Variants in SPSB4 observed in about 807,000 individuals in gnomAD.
SPSB4 encodes splA/ryanodine receptor domain and SOCS box containing 4, also known as SPRY domain-containing SOCS box protein 4.
Under a neutral mutation model 20.9 loss-of-function variants are expected in SPSB4, and 21 were observed. The ratio of observed to expected loss-of-function variants is 1.01; its 90% confidence interval spans 0.71 to 1.45. SPSB4 has a LOEUF of 1.45. Ranked by LOEUF, SPSB4 falls within the 40% of genes most tolerant of loss-of-function variation. The pLI is 0.00. For synonymous variants in SPSB4, 207 were observed against 183.8 expected (o/e 1.13, Z -1.02); for missense variants, 399 against 399.2 (o/e 1.00, Z 0.00).
intron 2 of SPSB4, among the ~76,000 whole-genome samples, chr3:141,109,134 CCT>C (rs1338896570): frequency 1.3e-5 from 2 of 152,114 alleles, no homozygotes; most frequent in Non-Finnish European, 2.9e-5. Context: ...TCTTCCCACC[CCT>C]GTTTTCAGCC....
At chr3:141,073,639 C>G (rs983584850) in intron 2 of SPSB4, among the ~76,000 whole-genome samples, 5 of 152,192 alleles carry the variant, frequency 3.3e-5, no homozygotes, top group African/African-American at 1.2e-4. Flanking sequence ...TATAGCAGCC[C>G]TTGCAACAGA....
chr3:141,087,082 G>A (rs145955839), intron 2 of SPSB4, among the ~76,000 whole-genome samples: 2 of 152,338 alleles, frequency 1.3e-5, no homozygotes, highest in Admixed American at 6.5e-5. Flanking sequence ...GCACAGCACA[G>A]AGGACTAGGG....
At chr3:141,116,200 G>A (rs758933311) in intron 2 of SPSB4, among the ~76,000 whole-genome samples, 1 of 152,196 alleles carries the variant, frequency 6.6e-6, no homozygotes, top group Non-Finnish European at 1.5e-5. Flanking sequence ...TCAGGAAGGG[G>A]GCTTGATGGT....
intron 1 of SPSB4, among the ~76,000 whole-genome samples, chr3:141,055,669 C>A (rs1018271736): frequency 8.5e-5 from 13 of 152,110 alleles, no homozygotes; most frequent in Admixed American, 2.0e-4. Context: ...TGGTGGGGAC[C>A]AAGAGACGGG....
chr3:141,143,033 G>C (rs1055088472), intron 2 of SPSB4, among the ~76,000 whole-genome samples: 2 of 151,816 alleles, frequency 1.3e-5, no homozygotes, highest in Non-Finnish European at 2.9e-5. Flanking sequence ...AGCCAGGATG[G>C]TCTCCATCTC....
intron 2 of SPSB4, among the ~76,000 whole-genome samples, chr3:141,069,725 G>A (rs754165054): frequency 1.3e-5 from 2 of 152,174 alleles, no homozygotes; most frequent in African/African-American, 2.4e-5. Context: ...GGATGAGGAT[G>A]ATAAAGCTCA....
At chr3:141,109,526 C>A (rs1210302421) in intron 2 of SPSB4, among the ~76,000 whole-genome samples, 2 of 152,140 alleles carry the variant, frequency 1.3e-5, no homozygotes, top group Non-Finnish European at 2.9e-5. Context: ...CATTTGCTAG[C>A]CCATCAGCTG....
intron 2 of SPSB4, among the ~76,000 whole-genome samples, chr3:141,072,933 A>G (rs987530016): frequency 6.6e-6 from 1 of 152,090 alleles, no homozygotes; most frequent in African/African-American, 2.4e-5. Flanking sequence ...TCTCCCTTCA[A>G]TGGACCTTGG....
chr3:141,062,960 G>A (rs1449726821), intron 1 of SPSB4, among the ~76,000 whole-genome samples: 1 of 149,498 alleles, frequency 6.7e-6, no homozygotes, highest in African/African-American at 2.6e-5. Context: ...TCCATCATGA[G>A]CTAGAAGAGG....
intron 2 of SPSB4, among the ~76,000 whole-genome samples, chr3:141,088,064 G>A (rs1938383843): frequency 6.6e-6 from 1 of 152,098 alleles, no homozygotes; most frequent in Non-Finnish European, 1.5e-5. Context: ...TGTGCTGTGG[G>A]GTGGGGAATG....
chr3:141,140,627 C>T (rs956506896), intron 2 of SPSB4, among the ~76,000 whole-genome samples: 2 of 152,208 alleles, frequency 1.3e-5, no homozygotes, highest in African/African-American at 4.8e-5. Context: ...GTATCAGCAG[C>T]GGTGGCTGCA....
At chr3:141,064,236 T>C (rs928025503) in intron 1 of SPSB4, among the ~76,000 whole-genome samples, 23 of 152,272 alleles carry the variant, frequency 1.5e-4, no homozygotes, top group African/African-American at 5.3e-4. Context: ...TGGTAGCCCT[T>C]ACCTGTTTTG....
intron 2 of SPSB4, among the ~76,000 whole-genome samples, chr3:141,123,486 C>T (rs2107802157): frequency 6.6e-6 from 1 of 152,312 alleles, no homozygotes; most frequent in South Asian, 2.1e-4. Context: ...ACTCCTATGC[C>T]AGTACCACTC....
At chr3:141,100,319 G>C (rs1938596532) in intron 2 of SPSB4, among the ~76,000 whole-genome samples, 1 of 152,134 alleles carries the variant, frequency 6.6e-6, no homozygotes. Context: ...AGGTCATCAG[G>C]GTGGGCCTGA....
chr3:141,136,145 T>A (rs1043992977), intron 2 of SPSB4, among the ~76,000 whole-genome samples: 6 of 152,256 alleles, frequency 3.9e-5, no homozygotes, highest in African/African-American at 1.4e-4. Flanking sequence ...TGTCTTCTTT[T>A]GAGAAGGGTC....
chr3:141,138,077 C>T (rs938308061), intron 2 of SPSB4, among the ~76,000 whole-genome samples: 2 of 152,150 alleles, frequency 1.3e-5, no homozygotes, highest in Non-Finnish European at 2.9e-5. Flanking sequence ...GTGTATGTGT[C>T]GAGGAATTTA....
At chr3:141,127,315 A>G (rs1041296911) in intron 2 of SPSB4, among the ~76,000 whole-genome samples, 1 of 152,242 alleles carries the variant, frequency 6.6e-6, no homozygotes, top group Non-Finnish European at 1.5e-5. Context: ...TTCTTTTGAC[A>G]GTGCTAGTGT....
At chr3:141,059,160 A>C (rs1373732810) in intron 1 of SPSB4, among the ~76,000 whole-genome samples, 1 of 152,134 alleles carries the variant, frequency 6.6e-6, no homozygotes, top group African/African-American at 2.4e-5. Flanking sequence ...GGACAGAGGT[A>C]CAGGGCAGGC....
intron 1 of SPSB4, among the ~76,000 whole-genome samples, chr3:141,060,243 G>A (rs1184190276): frequency 6.6e-6 from 1 of 152,154 alleles, no homozygotes; most frequent in Non-Finnish European, 1.5e-5. Flanking sequence ...TCTTCCCTGG[G>A]GCTGCTGTTT....
Sources: gnomAD v4.1 joint callset for allele counts (sites outside exome capture counted in the v4.1 genomes callset) on GRCh38, gnomAD v4.1.1 for gene constraint, MANE v1.5 for transcripts, NCBI Gene and HGNC (gene_info 2026-07-23, HGNC 2026-07-21) for gene names.